Variants in TRMT10B observed in about 807,000 individuals in gnomAD.
TRMT10B encodes tRNA methyltransferase 10B.
Under a neutral mutation model 43.8 loss-of-function variants are expected in TRMT10B, and 33 were observed. The ratio of observed to expected loss-of-function variants is 0.75; its 90% CI spans 0.57 to 1.01. The LOEUF (loss-of-function observed/expected upper bound fraction) is 1.01. TRMT10B is among the 50% of genes least tolerant of loss of function. The pLI is 0.00. For synonymous variants in TRMT10B, 137 were observed against 130.6 expected (o/e 1.05, Z -0.34); for missense variants, 362 against 369.8 (o/e 0.98, Z 0.17).
intron 7 of TRMT10B, among the ~76,000 whole-genome samples, chr9:37,773,179 C>T (rs1827766900): frequency 6.6e-6 from 1 of 152,198 alleles, no homozygotes; most frequent in African/African-American, 2.4e-5. Context: ...GCGATCATAG[C>T]TCGCTGCAAC....
At position 37,778,873 on chromosome 9, in the gene TRMT10B, C is replaced by G. The variant is rs1404724110; in HGVS notation, c.*1166C>G. The G allele has an allele frequency of 1.3e-5, 2 of 152,172 alleles. No individual in the cohort carries two copies. The highest frequency in any genetic ancestry group is 2.9e-5 in the Non-Finnish European group (2 of 68,030). 9.4% of individuals were successfully genotyped at this position (152,172 alleles called of 1,614,324 possible). ...ATCCTTCCTAATGGTAGGATCCTAA[C>G]AGGACAAATCTGTGTACCTATCTTT... On this transcript the variant is annotated 3_prime_UTR_variant, in exon 9 of 9. Coordinates refer to ENST00000297994, the MANE Select transcript of TRMT10B (RefSeq NM_144964.4).
intron 7 of TRMT10B, among the ~76,000 whole-genome samples, chr9:37,772,889 T>C (rs530438471): frequency 2.0e-5 from 3 of 152,210 alleles, no homozygotes; most frequent in Non-Finnish European, 4.4e-5. Context: ...TGAGCCTTGT[T>C]TGAATTCTGT....
intron 3 of TRMT10B, among the ~76,000 whole-genome samples, chr9:37,763,169 A>C (rs1420348871): frequency 2.7e-5 from 4 of 150,588 alleles, no homozygotes; most frequent in Non-Finnish European, 5.9e-5. Flanking sequence ...AAAAAAACAA[A>C]AAAAAAAATT....
chr9:37,769,309 A>T (rs375730007), intron 5 of TRMT10B, among the ~76,000 whole-genome samples: 37 of 17,366 alleles, frequency 2.1e-3, no homozygotes, highest in African/African-American at 5.2e-3. Flanking sequence ...CCCTGTCTTT[A>T]AAAAAAAAAA....
At chr9:37,761,117 G>C (rs955611423) in intron 1 of TRMT10B, among the ~76,000 whole-genome samples, 1 of 152,138 alleles carries the variant, frequency 6.6e-6, no homozygotes, top group Non-Finnish European at 1.5e-5. Flanking sequence ...AGAATTCTTG[G>C]TTTCATGTCA....
At chr9:37,776,478 CTT>C in intron 8 of TRMT10B, 73 bp downstream of exon 8, 1 of 1,492,322 alleles carries the variant, frequency 6.7e-7, no homozygotes, top group Non-Finnish European at 8.9e-7. Context: ...TTTAAGTGGC[CTT>C]TGAGTCAGTC....
In TRMT10B at chr9:37,776,423, C is replaced by A; in HGVS notation, c.844+18C>A. 1 of 1,598,358 alleles carries A rather than the reference C, an allele frequency of 6.3e-7. No individual in the cohort carries two copies. The highest frequency in any genetic ancestry group is 8.5e-7 in the Non-Finnish European group (1 of 1,173,680). On this transcript the variant is annotated intron_variant, in intron 8 of 8. Coordinates refer to ENST00000297994, the MANE Select transcript of TRMT10B (RefSeq NM_144964.4). ...CAATCAAGGTACTTCTTACACGGCCCCCATCCAGGGTGTGTGAGTTCTGGT... is the reference window on the plus strand; with the variant it reads ...CAATCAAGGTACTTCTTACACGGCCACCATCCAGGGTGTGTGAGTTCTGGT...
intron 3 of TRMT10B, 114 bp from the exon 4 acceptor site, chr9:37,763,515 C>T: frequency 2.4e-6 from 2 of 821,830 alleles, no homozygotes; most frequent in South Asian, 1.7e-5. Context: ...GAATACCTTA[C>T]ATCAGTATCA....
chr9:37,769,603 T>G, intron 5 of TRMT10B: 3 of 227,886 alleles, frequency 1.3e-5, no homozygotes, highest in Non-Finnish European at 1.7e-5. Context: ...AACTAGTCGT[T>G]GAATTTTGAG....
Position 37,768,194 on chromosome 9 carries a change from G to T in TRMT10B, c.539G>T (p.Cys180Phe). ...FTTDSPLYEE[C>F]VRMNDGFSSY... is the part of the protein sequence containing the mutation. ...ACAGACAGTCCCCTTTATGAAGAGT[G>T]TGTGAGGATGAATGATGGATTTTCT... Residue 180 changes from cysteine (C) to phenylalanine (F), a missense_variant, in exon 5 of 9, where the codon TGT becomes TTT. Coordinates refer to ENST00000297994, the MANE Select transcript of TRMT10B (RefSeq NM_144964.4). 8 of 1,613,862 alleles carry T rather than the reference G, an allele frequency of 5.0e-6. No individual in the cohort carries two copies. The highest frequency in any genetic ancestry group is 6.8e-6 in the Non-Finnish European group (8 of 1,179,854).
At chr9:37,761,006 T>TA (rs1362330184) in intron 1 of TRMT10B, among the ~76,000 whole-genome samples, 2 of 152,200 alleles carry the variant, frequency 1.3e-5, no homozygotes, top group Admixed American at 1.3e-4. Flanking sequence ...TGAGGGATAT[T>TA]AAACATTTTC....
chr9:37,771,908 C>T (rs981981613), intron 7 of TRMT10B, among the ~76,000 whole-genome samples: 2 of 151,280 alleles, frequency 1.3e-5, no homozygotes, highest in African/African-American at 4.9e-5. Context: ...CAGGGCCTTG[C>T]TCTGTTGCTG....
intron 4 of TRMT10B, among the ~76,000 whole-genome samples, chr9:37,764,315 ATTTTTTTTTT>A (rs753115932): frequency 9.0e-6 from 1 of 110,582 alleles, no homozygotes; most frequent in South Asian, 3.0e-4. Context: ...CGCCTGACAA[ATTTTTTTTTT>A]TTTTTTTTTT....
rs1827473002 is a variant in TRMT10B, at chr9:37,770,677, G to A, written c.658G>A (p.Glu220Lys). Reference sequence around the variant, plus strand: ...GGCCTTCATTTTTTCATTAGCTCTTGAAGATGTTGATCTAAACAAAGTTTA... The same window carrying A: ...GGCCTTCATTTTTTCATTAGCTCTTAAAGATGTTGATCTAAACAAAGTTTA... ...YLTPDSEHAL[E>K]DVDLNKVYIL... The change falls in exon 7 of 9, where the codon GAA (glutamate) becomes AAA (lysine). Residue 220 changes from glutamate (E) to lysine (K), a missense_variant. Glu to Lys is a moderately conservative substitution (Grantham distance 56, BLOSUM62 1). Transcript: ENST00000297994. 11 of 1,613,514 alleles carry A rather than the reference G, an allele frequency of 6.8e-6. No homozygotes were observed. The highest frequency in any genetic ancestry group is 9.3e-6 in the Non-Finnish European group (11 of 1,179,938).
At chr9:37,753,144 C>G (rs370629845), upstream of TRMT10B, among the ~76,000 whole-genome samples, 1 of 151,842 alleles carries the variant, frequency 6.6e-6, no homozygotes, top group African/African-American at 2.4e-5. Context: ...CAGCTTCACT[C>G]CTGAAGCTAG....
intron 2 of TRMT10B, 49 bp from the exon 3 acceptor site, chr9:37,762,528 T>A: frequency 6.5e-7 from 1 of 1,528,218 alleles, no homozygotes; most frequent in Non-Finnish European, 8.8e-7. Flanking sequence ...TTTTCCTTTT[T>A]TGGTGCTTAT....
chr9:37,759,581 G>A (rs1428889934), intron 1 of TRMT10B, among the ~76,000 whole-genome samples: 1 of 152,224 alleles, frequency 6.6e-6, no homozygotes, highest in Non-Finnish European at 1.5e-5. Flanking sequence ...ACTTTGGGAG[G>A]CCAAGGCAGG....
At chr9:37,771,234 T>C (rs1287412846) in intron 7 of TRMT10B, among the ~76,000 whole-genome samples, 2 of 152,222 alleles carry the variant, frequency 1.3e-5, no homozygotes, top group African/African-American at 2.4e-5. Flanking sequence ...AAGATAATTG[T>C]TTATATTTAC....
At chr9:37,763,898 A>G (rs1563992869) in intron 4 of TRMT10B, 145 bp downstream of exon 4, 2 of 1,520,334 alleles carry the variant, frequency 1.3e-6, no homozygotes, top group Middle Eastern at 1.7e-4. Flanking sequence ...CTGGGTTACT[A>G]AGTTCCAAGG....
Sources: allele counts gnomAD v4.1 joint callset (sites outside exome capture counted in the v4.1 genomes callset), GRCh38; gene constraint gnomAD v4.1.1; transcripts MANE v1.5; gene names NCBI Gene and HGNC (gene_info 2026-07-23, HGNC 2026-07-21).